The following FSTL4 variants were observed in gnomAD, a reference collection of about 807,000 sequenced individuals.
FSTL4 encodes follistatin-related protein 4.
In FSTL4, 28 loss-of-function variants were observed where a neutral mutation model predicts 78.2. The observed-to-expected ratio is 0.36, with a 90% CI of 0.27 to 0.49. FSTL4 has a LOEUF of 0.49. Among genes scored for constraint, FSTL4 ranks in the 20% least tolerant of loss-of-function variants. The probability of loss-of-function intolerance (pLI) is 0.98; values close to 1 mark genes in which losing one functional copy is unlikely to be tolerated. For missense variants in FSTL4, 922 were observed against 1,084.9 expected (o/e 0.85, Z 2.11); for synonymous variants, 422 against 440.5 (o/e 0.96, Z 0.53).
At chr5:133,808,017 T>G in the FSTL4 span, among the ~76,000 whole-genome samples, 1 of 152,080 alleles carries the variant, frequency 6.6e-6, no homozygotes, top group Non-Finnish European at 1.5e-5. Context: ...CACTATGAAC[T>G]CCTTAAAAAA....
chr5:133,640,416 T>C, the FSTL4 span, among the ~76,000 whole-genome samples: 1 of 152,178 alleles, frequency 6.6e-6, no homozygotes, highest in Non-Finnish European at 1.5e-5. Context: ...AGATGTGACA[T>C]GGTTTCTAGG....
chr5:133,583,523 A>G, intron 2 of FSTL4: 1 of 179,474 alleles, frequency 5.6e-6, no homozygotes, highest in Non-Finnish European at 1.2e-5. Context: ...TCCGAGTCAA[A>G]GAAAGGGGTG....
chr5:133,417,676 A>G (rs1756602673), intron 3 of FSTL4, among the ~76,000 whole-genome samples: 1 of 152,080 alleles, frequency 6.6e-6, no homozygotes, highest in Admixed American at 6.6e-5. Flanking sequence ...ATGAGGTTTC[A>G]GCTGGGTGTG....
chr5:133,715,105 A>G, the FSTL4 span, among the ~76,000 whole-genome samples: 6 of 152,256 alleles, frequency 3.9e-5, no homozygotes, highest in Non-Finnish European at 7.3e-5. Context: ...ACTGAAGAAA[A>G]TGCTCTGAAA....
Position 133,316,572 on chromosome 5 carries a change from C to T in FSTL4, c.490G>A (p.Glu164Lys), listed in dbSNP as rs574581810. The change falls in exon 5 of 16, where the codon GAA becomes AAA. Residue 164 changes from glutamate to lysine, a missense_variant. By Grantham distance (56) the Glu-to-Lys change is moderately conservative. Coordinates refer to ENST00000265342, the MANE Select transcript of FSTL4 (RefSeq NM_015082.2). Reference sequence around the variant, plus strand: ...GCAGGGTCTTGTCTGCTGTCTCCTTCTTGGAGTGGCTGCAGACGGGTCTGG... The same window carrying T: ...GCAGGGTCTTGTCTGCTGTCTCCTTTTTGGAGTGGCTGCAGACGGGTCTGG... ...ALQTRLQPLQ[E>K]GDSRQDPASQ... 51 of 1,613,994 alleles carry T rather than the reference C, an allele frequency of 3.2e-5. No homozygotes were observed. In the East Asian group the frequency reaches 5.8e-4, roughly 18 times the overall value.
At chr5:133,807,140 G>T in the FSTL4 span, among the ~76,000 whole-genome samples, 1 of 152,238 alleles carries the variant, frequency 6.6e-6, no homozygotes. Flanking sequence ...TAAGCGGTCT[G>T]CTGGGTCAGA....
chr5:133,616,997 T>C (rs541405265), upstream of FSTL4, among the ~76,000 whole-genome samples: 189 of 152,184 alleles, frequency 1.2e-3, 1 homozygote, highest in African/African-American at 4.1e-3. Context: ...CTGCCACTAC[T>C]TCAGATCAAG....
At chr5:133,753,446 C>G in the FSTL4 span, among the ~76,000 whole-genome samples, 3 of 152,270 alleles carry the variant, frequency 2.0e-5, no homozygotes, top group African/African-American at 7.2e-5. Flanking sequence ...CCAGGAGTCC[C>G]TAATCTCAGG....
At chr5:133,358,223 CT>C (rs1754983166) in intron 4 of FSTL4, among the ~76,000 whole-genome samples, 1 of 152,174 alleles carries the variant, frequency 6.6e-6, no homozygotes, top group Non-Finnish European at 1.5e-5. Context: ...GGTCTAGAGC[CT>C]TAACTTCACC....
chr5:133,739,122 T>C, the FSTL4 span, among the ~76,000 whole-genome samples: 1 of 152,044 alleles, frequency 6.6e-6, no homozygotes, highest in Non-Finnish European at 1.5e-5. Flanking sequence ...ACCTATGATT[T>C]TTTTTACTGA....
the FSTL4 span, among the ~76,000 whole-genome samples, chr5:133,783,907 G>A: frequency 1.6e-4 from 24 of 148,316 alleles, no homozygotes; most frequent in East Asian, 5.9e-4. Context: ...GAGTCTGCGA[G>A]AACAGTTAGC....
chr5:133,290,096 G>A (rs563476159), intron 6 of FSTL4, among the ~76,000 whole-genome samples: 2 of 152,332 alleles, frequency 1.3e-5, no homozygotes, highest in African/African-American at 4.8e-5. Context: ...CAGCCAATCT[G>A]TTAGGCAGCT....
rs145330868 is a variant in FSTL4, at chr5:133,199,260, C to G, written c.2364G>C (p.Trp788Cys). Reference sequence around the variant, plus strand: ...CCCTCATGATTCTGTGGGTACCCCCCCAGGGCTGAGCTGGCCCTGCGGGTG... The same window carrying G: ...CCCTCATGATTCTGTGGGTACCCCCGCAGGGCTGAGCTGGCCCTGCGGGTG... The part of the protein sequence containing the change: ...KEPPAGPAQP[W>C]GGTHRIMRDS... The change falls in exon 16 of 16, where the codon TGG (tryptophan) becomes TGC (cysteine). Residue 788 changes from tryptophan (W) to cysteine (C), a missense_variant. Coordinates refer to ENST00000265342, the MANE Select transcript of FSTL4 (RefSeq NM_015082.2). This position sits in a 1 kb window ranked among gnomAD's most constrained non-coding sequence, Gnocchi z 4.4. 6.2e-6 allele frequency: 10 copies of G among 1,613,946 alleles called. No individual in the cohort carries two copies. Among genetic ancestry groups the G allele is most frequent in the Non-Finnish European group, 7.6e-6 (9 of 1,179,808 alleles).
At chr5:133,482,462 C>T (rs1758047657) in intron 3 of FSTL4, among the ~76,000 whole-genome samples, 1 of 152,214 alleles carries the variant, frequency 6.6e-6, no homozygotes, top group African/African-American at 2.4e-5. Context: ...ATGGTTGTTG[C>T]AGGCCCTCAA....
chr5:133,713,483 C>A, the FSTL4 span, among the ~76,000 whole-genome samples: 1 of 152,320 alleles, frequency 6.6e-6, no homozygotes, highest in South Asian at 2.1e-4. Flanking sequence ...AGTGGTGATG[C>A]AGAGAACTTG....
chr5:133,732,249 G>A, the FSTL4 span, among the ~76,000 whole-genome samples: 2 of 152,182 alleles, frequency 1.3e-5, no homozygotes, highest in East Asian at 1.9e-4. Flanking sequence ...GTGTGGTGCA[G>A]GTACCAACCT....
intron 3 of FSTL4, among the ~76,000 whole-genome samples, chr5:133,507,848 A>G (rs1758644563): frequency 6.7e-6 from 1 of 150,294 alleles, no homozygotes; most frequent in African/African-American, 2.4e-5. Flanking sequence ...AATAATAATA[A>G]AATAAAATAA....
intron 4 of FSTL4, among the ~76,000 whole-genome samples, chr5:133,349,635 G>A: frequency 6.8e-6 from 1 of 147,626 alleles, no homozygotes; most frequent in Non-Finnish European, 1.5e-5. Context: ...ATGCTGCCAT[G>A]TGACTGTAAA....
Position 133,198,506 on chromosome 5 carries a change from A to C in FSTL4, c.*589T>G, listed in dbSNP as rs1269312497. On this transcript the variant is annotated 3_prime_UTR_variant, in exon 16 of 16. Coordinates refer to ENST00000265342, the MANE Select transcript of FSTL4 (RefSeq NM_015082.2). The stretch of plus-strand genomic sequence containing the variant: ...TTTTTTTTAATCAAAAATTTCCAAA[A>C]TAAAGTGAGTGATTTCCCCATCCCC... 1.3e-5 allele frequency: 2 copies of C among 152,578 alleles called. No individual in the cohort carries two copies. The highest frequency in any genetic ancestry group is 4.8e-5 in the African/African-American group (2 of 41,420). The allele number at this position is 152,578 out of a possible 1,614,324, so 9.5% of individuals were successfully genotyped here.
Sources: allele counts gnomAD v4.1 joint callset (sites outside exome capture counted in the v4.1 genomes callset), GRCh38; gene constraint gnomAD v4.1.1; non-coding constraint Gnocchi (gnomAD v3.1); transcripts MANE v1.5; gene names NCBI Gene and HGNC (gene_info 2026-07-23, HGNC 2026-07-21).